Variants in HLA-F observed in about 807,000 individuals in gnomAD.
HLA-F encodes the protein major histocompatibility complex, class I, F.
HLA-F carries 46 observed loss-of-function variants against 49.5 expected under a neutral mutation model. That is an observed-to-expected ratio of 0.93 (90% confidence interval 0.73 to 1.19). HLA-F has a LOEUF of 1.19. Among genes scored for constraint, HLA-F ranks in the 50% most tolerant of loss-of-function variants. The probability of loss-of-function intolerance (pLI) is 0.00; values close to 1 mark genes in which losing one functional copy is unlikely to be tolerated. For synonymous variants in HLA-F, 203 were observed against 233.5 expected (o/e 0.87, Z 1.19); for missense variants, 496 against 579.6 (o/e 0.86, Z 1.48).
chr6:29,724,846 C>G (rs17178385), intron 3 of HLA-F, among the ~76,000 whole-genome samples, 185 bp from the exon 4 acceptor site: 7,742 of 152,228 alleles, frequency 0.051, 417 homozygotes, highest in African/African-American at 0.14. Flanking sequence ...CTGCTCCCCC[C>G]TCAGAGACTC....
At chr6:29,732,587 A>G (rs999846772) in intron 3 of HLA-F, among the ~76,000 whole-genome samples, 3 of 152,122 alleles carry the variant, frequency 2.0e-5, no homozygotes, top group African/African-American at 7.2e-5. Context: ...CTGGGACTAC[A>G]GGCACATGCC....
chr6:29,725,478 G>A lies in HLA-F; in HGVS notation c.918G>A (p.Val306=), dbSNP rs1393600357. The part of the protein sequence containing the change: ...EQSPQPTIPI[V]GIVAGLVVLG... ...CTCCCCAGCCCACCATCCCCATCGTGGGCATCGTTGCTGGCCTTGTTGTCC... is the reference window on the plus strand; with the variant it reads ...CTCCCCAGCCCACCATCCCCATCGTAGGCATCGTTGCTGGCCTTGTTGTCC... Residue 306 remains valine (V), a synonymous_variant, in exon 5 of 7, where the codon GTG becomes GTA. Coordinates refer to ENST00000259951, the MANE Select transcript of HLA-F (RefSeq NM_001098479.2). 5.6e-6 allele frequency: 9 copies of A among 1,614,138 alleles called. No homozygotes were observed. Among genetic ancestry groups the A allele is most frequent in the Non-Finnish European group, 6.8e-6 (8 of 1,179,992 alleles).
chr6:29,727,387 C>T (rs566850260), downstream of HLA-F: 3 of 477,130 alleles, frequency 6.3e-6, no homozygotes, highest in Non-Finnish European at 1.1e-5. Flanking sequence ...AATGTCCACT[C>T]GTTGCCTTTG....
At chr6:29,724,142 C>T in intron 2 of HLA-F, 31 bp from the exon 3 acceptor site, 1 of 1,611,986 alleles carries the variant, frequency 6.2e-7, no homozygotes, top group South Asian at 1.1e-5. Flanking sequence ...GCGGGGCTAG[C>T]TGGGCGGGGC....
downstream of HLA-F, chr6:29,727,949 C>G (rs1351830227): frequency 1.9e-6 from 1 of 518,720 alleles, no homozygotes; most frequent in Non-Finnish European, 3.8e-6. Context: ...ATCACTTTCC[C>G]TCTACAGGCC....
intron 3 of HLA-F, 42 bp downstream of exon 3, chr6:29,724,490 T>G: frequency 6.3e-7 from 1 of 1,599,272 alleles, no homozygotes. Flanking sequence ...CCTGTAGATC[T>G]CTTGGGATGG....
chr6:29,727,937 G>A (rs766606496), downstream of HLA-F: 25 of 518,052 alleles, frequency 4.8e-5, 1 homozygote, highest in South Asian at 2.9e-4. Context: ...ATCTACTTCC[G>A]GATCACTTTC....
chr6:29,725,861 ATCTGC>A, intron 5 of HLA-F, 145 bp from the exon 6 acceptor site: 1 of 880,292 alleles, frequency 1.1e-6, no homozygotes, highest in Non-Finnish European at 1.8e-6. Context: ...CAGGACCCAC[ATCTGC>A]TTTCTTCATA....
chr6:29,732,668 G>C (rs374415468), intron 3 of HLA-F, among the ~76,000 whole-genome samples: 6 of 151,834 alleles, frequency 4.0e-5, no homozygotes, highest in Non-Finnish European at 7.4e-5. Flanking sequence ...GTCTGGTCTC[G>C]AATTCCTGAC....
chr6:29,725,879 T>A, intron 5 of HLA-F, 132 bp from the exon 6 acceptor site: 1 of 1,017,118 alleles, frequency 9.8e-7, no homozygotes, highest in East Asian at 2.4e-5. Context: ...TCTTCATATT[T>A]CTTGATCCTG....
Position 29,723,937 on chromosome 6 carries a change from C to A in HLA-F, c.334+10C>A, listed in dbSNP as rs1454559462. The A allele has an allele frequency of 1.9e-6, 3 of 1,586,356 alleles. No homozygotes were observed. Among genetic ancestry groups the A allele is most frequent in the Non-Finnish European group, 2.6e-6 (3 of 1,166,686 alleles). ...AACCAGAGCGAGGCTGGTGAGTGAACCCGGCCGGGGGCGCAGGTCACGACC... is the reference window on the plus strand; with the variant it reads ...AACCAGAGCGAGGCTGGTGAGTGAAACCGGCCGGGGGCGCAGGTCACGACC... On this transcript the variant is annotated intron_variant, in intron 2 of 6. Coordinates refer to ENST00000259951, the MANE Select transcript of HLA-F (RefSeq NM_001098479.2).
rs748286540 is a variant in HLA-F at position 29,726,034 on chromosome 6, C to A, written c.1027C>A (p.Gln343Lys). Residue 343 changes from glutamine (Q) to lysine (K), a missense_variant, in exon 6 of 7, where the codon CAG becomes AAG. Transcript: ENST00000259951. ...AGATAGAAACAGAGGGAGCTACTCT[C>A]AGGCTGCAGGTAAGATGAAGGAGGC... Reference protein sequence around the residue: ...SSDRNRGSYSQAAAYSVVSGN... With the variant: ...SSDRNRGSYSKAAAYSVVSGN... The A allele has an allele frequency of 6.2e-7, 1 of 1,613,974 alleles. No individual in the cohort carries two copies. Among genetic ancestry groups the A allele is most frequent in the South Asian group, 1.1e-5 (1 of 91,086 alleles).
At chr6:29,736,238 T>G in intron 3 of HLA-F, 1 of 365,912 alleles carries the variant, frequency 2.7e-6, no homozygotes, top group South Asian at 2.1e-5. Context: ...ACCCTCCACC[T>G]TGCATGGGCC....
downstream of HLA-F, among the ~76,000 whole-genome samples, chr6:29,730,629 G>A (rs1035311461): frequency 6.6e-5 from 10 of 151,954 alleles, no homozygotes; most frequent in Non-Finnish European, 1.0e-4. Flanking sequence ...GCCACCACCC[G>A]AGAGCCACCC....
At chr6:29,726,562 T>TGC (rs1491050729) in intron 6 of HLA-F, 77 of 767,474 alleles carry the variant, frequency 1.0e-4, no homozygotes, top group Non-Finnish European at 1.3e-4. Context: ...CACGTAAATG[T>TGC]GTGTGTGTGT....
At chr6:29,728,433 T>C (rs1227261692), downstream of HLA-F, 4 of 187,982 alleles carry the variant, frequency 2.1e-5, no homozygotes, top group East Asian at 3.1e-4. Flanking sequence ...GCATTGGATG[T>C]TGATATTCAT....
chr6:29,736,320 C>A, intron 3 of HLA-F: 1 of 420,776 alleles, frequency 2.4e-6, no homozygotes, highest in Non-Finnish European at 4.7e-6. Context: ...AGCTCCCAAG[C>A]CTACTGCTCT....
At chr6:29,732,347 C>T (rs1776702487) in intron 3 of HLA-F, among the ~76,000 whole-genome samples, 1 of 152,138 alleles carries the variant, frequency 6.6e-6, no homozygotes, top group Admixed American at 6.5e-5. Context: ...ATATTACCTA[C>T]AAAAAGATAA....
chr6:29,724,235 G>A lies in HLA-F; in HGVS notation c.397G>A (p.Gly133Arg). ...DMGPDGRLLRGYHQHAYDGKD... is the reference protein window; with the variant it reads ...DMGPDGRLLRRYHQHAYDGKD... ...GGGGCCCGACGGACGCCTCCTCCGC[G>A]GGTATCACCAGCACGCGTACGACGG... Residue 133 changes from glycine (G) to arginine (R), a missense_variant, in exon 3 of 7, where the codon GGG becomes AGG. By Grantham distance (125) the Gly-to-Arg change is moderately radical (BLOSUM62 -2). Coordinates refer to ENST00000259951, the MANE Select transcript of HLA-F (RefSeq NM_001098479.2). 1.9e-6 allele frequency: 3 copies of A among 1,613,220 alleles called. No homozygotes were observed. Among genetic ancestry groups the A allele is most frequent in the Non-Finnish European group, 1.7e-6 (2 of 1,180,032 alleles).
Sources: gnomAD v4.1 joint callset for allele counts (sites outside exome capture counted in the v4.1 genomes callset) on GRCh38, gnomAD v4.1.1 for gene constraint, MANE v1.5 for transcripts, NCBI Gene and HGNC (gene_info 2026-07-23, HGNC 2026-07-21) for gene names.